Variants in MACF1 observed in about 807,000 individuals in gnomAD.
The protein encoded by MACF1 is microtubule actin crosslinking factor 1.
In MACF1, 193 loss-of-function variants were observed where a neutral mutation model predicts 854.8. The observed-to-expected ratio is 0.23, with a 90% CI of 0.20 to 0.25. The LOEUF is 0.25. Among genes scored for constraint, MACF1 ranks in the 10% least tolerant of loss-of-function variants. The pLI, the probability that MACF1 is intolerant of heterozygous loss-of-function variation, is 1.00. For synonymous variants in MACF1, 3,185 were observed against 3,226.7 expected (o/e 0.99, Z 0.44); for missense variants, 7,722 against 8,929.1 (o/e 0.86, Z 5.45).
intron 58 of MACF1, among the ~76,000 whole-genome samples, chr1:39,404,377 A>G (rs929562606): frequency 2.0e-5 from 3 of 151,898 alleles, no homozygotes; most frequent in Non-Finnish European, 4.4e-5. Context: ...AGGCTGAGGC[A>G]GGAGAATCAC....
intron 2 of MACF1, among the ~76,000 whole-genome samples, chr1:39,171,543 G>A (rs958957569): frequency 2.0e-5 from 3 of 152,042 alleles, no homozygotes; most frequent in Non-Finnish European, 4.4e-5. Context: ...TTTGTCTCTG[G>A]CTTCTTTCAC....
intron 6 of MACF1, among the ~76,000 whole-genome samples, chr1:39,277,965 T>C (rs539130681): frequency 6.4e-4 from 98 of 152,284 alleles, no homozygotes; most frequent in African/African-American, 2.2e-3. Context: ...TCAATACTTA[T>C]TGAATTATTA....
chr1:39,342,576 A>C (rs1569588674), intron 40 of MACF1, among the ~76,000 whole-genome samples: 1 of 137,708 alleles, frequency 7.3e-6, no homozygotes, highest in African/African-American at 2.7e-5. Flanking sequence ...TCTCTCTGTC[A>C]CCCAGGCTGG....
rs144057044 is a variant in MACF1, at chr1:39,182,897, G to A, written c.221-48285G>A. Among the ~76,000 whole-genome samples the A allele has an allele frequency of 3.7e-4, 56 of 152,166 alleles. No homozygotes were observed. In the East Asian group the frequency reaches 5.2e-3, roughly 14 times the overall value. On this transcript the variant is annotated intron_variant, in intron 2 of 93. Transcript: ENST00000361689. ...GAAAACATATATTCATAGAAAACTC[G>A]TACATAAATGTTCATAGCAGCATTA... is the stretch of plus-strand genomic sequence containing the variant.
At chr1:39,337,681 C>T (rs1283352144) in intron 38 of MACF1, among the ~76,000 whole-genome samples, 2 of 150,760 alleles carry the variant, frequency 1.3e-5, no homozygotes, top group Non-Finnish European at 2.9e-5. Flanking sequence ...ATTCCCCTGC[C>T]TCAGCCTCCC....
chr1:39,235,766 T>C (rs1217812320), intron 2 of MACF1, among the ~76,000 whole-genome samples: 1 of 152,256 alleles, frequency 6.6e-6, no homozygotes, highest in Admixed American at 6.5e-5. Flanking sequence ...TGACAGGGTT[T>C]ACTCTGTTGC....
chr1:39,316,240 A>T, intron 27 of MACF1, 151 bp from the exon 28 acceptor site: 1 of 602,002 alleles, frequency 1.7e-6, no homozygotes, highest in Non-Finnish European at 2.7e-6. Context: ...AACCACATTT[A>T]CTTGTTTTCA....
In MACF1 at chr1:39,442,178, T is replaced by C; in HGVS notation, c.18806T>C (p.Ile6269Thr). 6 of 1,596,490 alleles carry C rather than the reference T, an allele frequency of 3.8e-6. No individual in the cohort carries two copies. Among genetic ancestry groups the C allele is most frequent in the Non-Finnish European group, 5.1e-6 (6 of 1,173,898 alleles). ...EFKVEVYQQQIEMEKLNHQGE... is the reference protein window; with the variant it reads ...EFKVEVYQQQTEMEKLNHQGE... ...AAAGTAGAAGTTTACCAACAGCAAA[T>C]TGAGATGGAGAAGCTTAATCACCAG... The change falls in exon 76 of 101, where the codon ATT becomes ACT. Residue 6269 changes from isoleucine (I) to threonine (T), a missense_variant. Transcript: ENST00000564288.
Position 39,295,086 on chromosome 1 carries a change from G to A in MACF1, c.2195G>A (p.Arg732His), listed in dbSNP as rs756644066. The A allele has an allele frequency of 8.7e-6, 14 of 1,614,006 alleles. No individual in the cohort carries two copies. The highest frequency in any genetic ancestry group is 6.6e-5 in the South Asian group (6 of 91,076). The change falls in exon 19 of 101, where the codon CGT becomes CAT. Residue 732 changes from arginine (R) to histidine (H), a missense_variant. Transcript: ENST00000564288. ...MELEEKQDVF[R>H]SLQDTAELLS... ...CTGGAGGAGAAACAGGATGTGTTTCGTTCTCTACAAGATACAGCAGAACTA... is the reference window on the plus strand; with the variant it reads ...CTGGAGGAGAAACAGGATGTGTTTCATTCTCTACAAGATACAGCAGAACTA...
intron 2 of MACF1, among the ~76,000 whole-genome samples, chr1:39,117,331 CTTTG>C (rs1642572501): frequency 6.6e-6 from 1 of 152,086 alleles, no homozygotes; most frequent in Non-Finnish European, 1.5e-5. Context: ...CATTCCGCAT[CTTTG>C]TTTGTTTATT....
chr1:39,344,844 G>A (rs1344754858), intron 40 of MACF1, among the ~76,000 whole-genome samples: 1 of 152,046 alleles, frequency 6.6e-6, no homozygotes, highest in Admixed American at 6.6e-5. Flanking sequence ...CCAGCTTTAG[G>A]TGTTTTCTAT....
At chr1:39,261,815 A>G (rs916624015) in intron 6 of MACF1, among the ~76,000 whole-genome samples, 4 of 152,206 alleles carry the variant, frequency 2.6e-5, no homozygotes, top group Non-Finnish European at 5.9e-5. Flanking sequence ...ATACATGTAT[A>G]TACCTAGGAA....
chr1:39,259,716 G>A (rs1055427940), intron 6 of MACF1, among the ~76,000 whole-genome samples: 3 of 151,798 alleles, frequency 2.0e-5, no homozygotes, highest in Non-Finnish European at 2.9e-5. Context: ...TCTGCCTCCC[G>A]GGTTCAAGAG....
At chr1:39,472,807 A>T (rs1430387578) in intron 97 of MACF1, among the ~76,000 whole-genome samples, 1 of 151,400 alleles carries the variant, frequency 6.6e-6, no homozygotes, top group African/African-American at 2.4e-5. Flanking sequence ...AGGAAGGAAA[A>T]TAAAAGGGAG....
At chr1:39,433,779 TC>T (rs1643914663) in intron 68 of MACF1, among the ~76,000 whole-genome samples, 1 of 152,186 alleles carries the variant, frequency 6.6e-6, no homozygotes, top group Non-Finnish European at 1.5e-5. Context: ...TTTAAACTGA[TC>T]CATTATAATG....
chr1:39,186,614 A>G (rs893119137), intron 2 of MACF1, among the ~76,000 whole-genome samples: 1 of 147,348 alleles, frequency 6.8e-6, no homozygotes, highest in Non-Finnish European at 1.5e-5. Context: ...ATTTTCCACT[A>G]TTTTTTTTTA....
At chr1:39,453,952 G>A in intron 88 of MACF1, 102 bp downstream of exon 88, 1 of 1,346,396 alleles carries the variant, frequency 7.4e-7, no homozygotes. Context: ...CACTCACTGT[G>A]AATAACTCAG....
intron 58 of MACF1, among the ~76,000 whole-genome samples, chr1:39,389,978 T>C (rs1218177435): frequency 6.6e-6 from 1 of 152,240 alleles, no homozygotes; most frequent in Non-Finnish European, 1.5e-5. Context: ...AAAATCTCCA[T>C]TCCTGAGATT....
chr1:39,448,801 TC>T (rs766861360), intron 84 of MACF1, 38 bp downstream of exon 84: 2 of 1,490,500 alleles, frequency 1.3e-6, no homozygotes, highest in South Asian at 2.8e-5. Flanking sequence ...CTAACCGGGA[TC>T]CCAAAAGCAA....
Sources: allele counts gnomAD v4.1 joint callset (sites outside exome capture counted in the v4.1 genomes callset), GRCh38; gene constraint gnomAD v4.1.1; transcripts MANE v1.5; gene names NCBI Gene and HGNC (gene_info 2026-07-23, HGNC 2026-07-21).